TRANK1: variants seen among roughly 807,000 people sequenced by gnomAD.
TRANK1 encodes TPR and ankyrin repeat-containing protein 1.
In TRANK1, 198 loss-of-function variants were observed where a neutral mutation model predicts 266.0. That is an observed-to-expected ratio of 0.74 (90% CI 0.66 to 0.84). The LOEUF (loss-of-function observed/expected upper bound fraction) is 0.84. Among genes scored for constraint, TRANK1 ranks in the 40% least tolerant of loss-of-function variants. The pLI is 0.00. For synonymous variants in TRANK1, 1,396 were observed against 1,384.1 expected (o/e 1.01, Z -0.19); for missense variants, 3,326 against 3,634.6 (o/e 0.92, Z 2.18).
At chr3:36,892,176 G>A (rs1267577686) in intron 7 of TRANK1, 26 bp downstream of exon 7, 1 of 1,535,064 alleles carries the variant, frequency 6.5e-7, no homozygotes. Context: ...GCAGCTTGGA[G>A]GGTGGAAAAC....
At chr3:36,868,399 GAAATTAA>G (rs2079258826) in intron 9 of TRANK1, among the ~76,000 whole-genome samples, 1 of 152,096 alleles carries the variant, frequency 6.6e-6, no homozygotes, top group Non-Finnish European at 1.5e-5. Context: ...ACACAGATTT[GAAATTAA>G]AAATTAAAAA....
intron 17 of TRANK1, among the ~76,000 whole-genome samples, 158 bp downstream of exon 17, chr3:36,846,090 T>C (rs183801493): frequency 3.3e-4 from 50 of 152,324 alleles, no homozygotes; most frequent in Non-Finnish European, 5.6e-4. Context: ...CACTTTCCCA[T>C]GCACCTTGGC....
chr3:36,848,049 G>A (rs1360415449), intron 15 of TRANK1, among the ~76,000 whole-genome samples: 2 of 152,118 alleles, frequency 1.3e-5, no homozygotes, highest in East Asian at 3.8e-4. Flanking sequence ...ACCAGGGGTT[G>A]CTAAATTTTT....
intron 1 of TRANK1, among the ~76,000 whole-genome samples, chr3:36,936,247 G>A (rs905958671): frequency 6.6e-6 from 1 of 152,194 alleles, no homozygotes; most frequent in African/African-American, 2.4e-5. Context: ...CACTTCGGGA[G>A]GCCAAAGTGG....
chr3:36,866,425 G>A (rs570349273), intron 9 of TRANK1, among the ~76,000 whole-genome samples: 2 of 152,342 alleles, frequency 1.3e-5, no homozygotes, highest in Non-Finnish European at 2.9e-5. Context: ...TTGTCCACAA[G>A]TAGTTTATTA....
intron 11 of TRANK1, 143 bp from the exon 12 acceptor site, chr3:36,859,037 C>A (rs925510426): frequency 9.2e-7 from 1 of 1,089,928 alleles, no homozygotes; most frequent in Non-Finnish European, 1.3e-6. Context: ...AGCACCCATT[C>A]TGGGAGGCAA....
At position 36,858,803 on chromosome 3, in the gene TRANK1, G is replaced by A; in HGVS notation, c.1587C>T (p.Thr529=). ...AAATAGCACGGGGGTCTGCGCCCTT[G>A]GTCAAGAGAAGGAAAGCCAACTCGA... ...EDFELAFLLL[T]KGADPRAISL... Residue 529 remains threonine, a synonymous_variant, in exon 12 of 24, where the codon ACC becomes ACT. Transcript: ENST00000645898. 1 of 1,537,218 alleles carries A rather than the reference G, an allele frequency of 6.5e-7. No homozygotes were observed. Among genetic ancestry groups the A allele is most frequent in the South Asian group, 1.2e-5 (1 of 84,046 alleles).
intron 15 of TRANK1, chr3:36,850,541 G>A (rs1430531283): frequency 1.7e-5 from 17 of 976,530 alleles, no homozygotes; most frequent in Non-Finnish European, 1.9e-5. Flanking sequence ...GGCCAAGGCA[G>A]GAAGATTACT....
At chr3:36,870,578 G>C (rs1467035844) in intron 9 of TRANK1, among the ~76,000 whole-genome samples, 1 of 151,882 alleles carries the variant, frequency 6.6e-6, no homozygotes, top group African/African-American at 2.4e-5. Flanking sequence ...TATTCCTCTA[G>C]CATGGCAAGA....
chr3:36,888,600 G>T (rs572862230), intron 8 of TRANK1, among the ~76,000 whole-genome samples: 1 of 152,262 alleles, frequency 6.6e-6, no homozygotes, highest in South Asian at 2.1e-4. Flanking sequence ...AGCCTCGCTG[G>T]GCTCCTCCTG....
At position 36,855,252 on chromosome 3, in the gene TRANK1, T is replaced by A; in HGVS notation, c.4470A>T (p.Arg1490Ser). 2 of 1,614,058 alleles carry A rather than the reference T, an allele frequency of 1.2e-6. No homozygotes were observed. Among genetic ancestry groups the A allele is most frequent in the Non-Finnish European group, 1.7e-6 (2 of 1,179,902 alleles). The change falls in exon 13 of 24, where the codon AGA (arginine) becomes AGT (serine). Residue 1490 changes from arginine (R) to serine (S), a missense_variant. By Grantham distance (110) the Arg-to-Ser change is moderately radical (BLOSUM62 -1). Coordinates refer to ENST00000645898, the MANE Select transcript of TRANK1 (RefSeq NM_001329998.2). ...DLRSLFHYASRNTIDKQCAVR... is the reference protein window; with the variant it reads ...DLRSLFHYASSNTIDKQCAVR... ...CAGCACACTGCTTGTCTATGGTGTT[T>A]CTGCTGGCATAATGGAACAGAGAGC... is the stretch of plus-strand genomic sequence containing the variant.
intron 1 of TRANK1, among the ~76,000 whole-genome samples, chr3:36,936,557 A>G (rs2080428417): frequency 6.6e-6 from 1 of 152,196 alleles, no homozygotes; most frequent in Non-Finnish European, 1.5e-5. Flanking sequence ...AATTTTGCCA[A>G]AAAAGAACTT....
At chr3:36,944,674 G>T (rs2080547299) in intron 1 of TRANK1, 113 bp downstream of exon 1, 1 of 1,298,818 alleles carries the variant, frequency 7.7e-7, no homozygotes, top group African/African-American at 1.5e-5. Context: ...GGGCGGGCCC[G>T]TTCGGCCGCT....
At chr3:36,864,523 C>A in intron 9 of TRANK1, 43 bp from the exon 10 acceptor site, 1 of 1,480,412 alleles carries the variant, frequency 6.8e-7, no homozygotes, top group Non-Finnish European at 8.9e-7. Flanking sequence ...ACAGAAATTG[C>A]AGCTGTTACA....
At chr3:36,927,220 C>A (rs1051245694) in intron 1 of TRANK1, among the ~76,000 whole-genome samples, 1 of 152,160 alleles carries the variant, frequency 6.6e-6, no homozygotes, top group East Asian at 1.9e-4. Flanking sequence ...GCCAACTCTA[C>A]GTCCCTGGTC....
Position 36,855,803 on chromosome 3 carries a change from C to G in TRANK1, c.3919G>C (p.Ala1307Pro). Residue 1307 changes from alanine (A) to proline (P), a missense_variant, in exon 13 of 24, where the codon GCT (alanine) becomes CCT (proline). By Grantham distance (27) the Ala-to-Pro change is conservative (BLOSUM62 -1). Transcript: ENST00000645898. The stretch of plus-strand genomic sequence containing the variant: ...CTGTCACCCGTACGCATTTCTACAG[C>G]TTTATCCTCCTCACTGTAGTCCCCA... ...VDGDYSEEDK[A>P]VEMRTGDSDP... The G allele has an allele frequency of 1.2e-6, 2 of 1,613,746 alleles. No individual in the cohort carries two copies. Among genetic ancestry groups the G allele is most frequent in the South Asian group, 1.1e-5 (1 of 91,068 alleles).
intron 9 of TRANK1, among the ~76,000 whole-genome samples, chr3:36,872,357 G>A (rs1003140363): frequency 2.0e-5 from 3 of 152,034 alleles, no homozygotes; most frequent in Non-Finnish European, 2.9e-5. Flanking sequence ...AGCTGAGATC[G>A]CATCACTGCA....
chr3:36,838,122 G>C (rs973885304), intron 20 of TRANK1, among the ~76,000 whole-genome samples: 6 of 151,938 alleles, frequency 3.9e-5, no homozygotes, highest in Non-Finnish European at 1.5e-5. Flanking sequence ...TTAATATTAG[G>C]CCCTGAATAT....
At chr3:36,838,055 A>G (rs1417934782) in intron 20 of TRANK1, among the ~76,000 whole-genome samples, 1 of 152,196 alleles carries the variant, frequency 6.6e-6, no homozygotes, top group Non-Finnish European at 1.5e-5. Flanking sequence ...CAGAGAAAGA[A>G]AAGGGGTATT....
Sources: allele counts gnomAD v4.1 joint callset (sites outside exome capture counted in the v4.1 genomes callset), GRCh38; gene constraint gnomAD v4.1.1; transcripts MANE v1.5; gene names NCBI Gene and HGNC (gene_info 2026-07-23, HGNC 2026-07-21).